The following NUP210L variants were observed in gnomAD, a reference collection of about 807,000 sequenced individuals.
The protein encoded by NUP210L is nucleoporin 210 like.
A neutral mutation model predicts 208.5 loss-of-function variants in NUP210L; 74 were observed. That is an observed-to-expected ratio of 0.35 (90% CI 0.29 to 0.43). NUP210L has a LOEUF of 0.43. Among genes scored for constraint, NUP210L ranks in the 20% least tolerant of loss-of-function variants. The pLI is 1.00. For synonymous variants in NUP210L, 780 were observed against 816.9 expected (o/e 0.95, Z 0.77); for missense variants, 1,843 against 2,289.4 (o/e 0.81, Z 3.98).
At chr1:154,144,964 C>T (rs755126235) in intron 2 of NUP210L, among the ~76,000 whole-genome samples, 8 of 151,950 alleles carry the variant, frequency 5.3e-5, no homozygotes, top group Admixed American at 1.3e-4. Context: ...AAAAATTAGC[C>T]GGGCATGGTG....
chr1:154,009,640 A>G (rs1250964896), intron 35 of NUP210L, among the ~76,000 whole-genome samples: 1 of 150,300 alleles, frequency 6.7e-6, no homozygotes, highest in Non-Finnish European at 1.5e-5. Context: ...AAAAAAAAAA[A>G]AAAAAAAAAG....
At chr1:154,099,884 GA>G in intron 14 of NUP210L, 113 bp downstream of exon 14, 1 of 1,074,634 alleles carries the variant, frequency 9.3e-7, no homozygotes, top group Non-Finnish European at 1.4e-6. Context: ...CAAGTAAAGA[GA>G]ACATAAATGT....
chr1:154,141,008 A>AG (rs1471713433), intron 4 of NUP210L, among the ~76,000 whole-genome samples: 1 of 151,840 alleles, frequency 6.6e-6, no homozygotes, highest in East Asian at 1.9e-4. Context: ...AAAAAAAAAA[A>AG]AAAAAAAGAA....
chr1:154,032,953 GAAAAGAAAAGAAAAGA>G (rs1652320850), intron 27 of NUP210L, among the ~76,000 whole-genome samples: 1 of 42,390 alleles, frequency 2.4e-5, no homozygotes, highest in African/African-American at 6.8e-5. Flanking sequence ...AAAGAAAGAA[GAAAAGAAAAGAAAAGA>G]AAAGAAAAGA....
chr1:154,023,564 G>T (rs1368506596), intron 30 of NUP210L, among the ~76,000 whole-genome samples: 1 of 151,796 alleles, frequency 6.6e-6, no homozygotes, highest in Non-Finnish European at 1.5e-5. Flanking sequence ...TGCAACCTCT[G>T]CCTCCTGCAT....
intron 35 of NUP210L, among the ~76,000 whole-genome samples, chr1:154,002,631 AAAATT>A (rs1460578686): frequency 6.6e-6 from 1 of 152,008 alleles, no homozygotes; most frequent in Non-Finnish European, 1.5e-5. Context: ...CTCAAAAAAA[AAAATT>A]ATATTTTTTA....
chr1:154,068,840 G>A (rs1331897225), intron 17 of NUP210L, among the ~76,000 whole-genome samples: 1 of 152,092 alleles, frequency 6.6e-6, no homozygotes, highest in African/African-American at 2.4e-5. Flanking sequence ...TGGGGGAAGG[G>A]GGGAGGGATA....
In NUP210L at chr1:154,002,089, A is replaced by C. The variant is rs1223147615; in HGVS notation, c.4931-104T>G. 11 of 1,195,550 alleles carry C rather than the reference A, an allele frequency of 9.2e-6. No individual in the cohort carries two copies. The Admixed American group carries it at 1.7e-4, about 19-fold the overall frequency. 74.1% of individuals were successfully genotyped at this position (1,195,550 alleles called of 1,614,324 possible). On this transcript the variant is annotated intron_variant, in intron 35 of 39. Coordinates refer to ENST00000368559, the Ensembl canonical transcript of NUP210L. ...AATTGTGACATGCAAATTCAGCAAA[A>C]GAGAAAATGTGAATTTAGTTTTGAG... is the stretch of plus-strand genomic sequence containing the variant.
At chr1:154,113,410 T>A (rs1657145784) in intron 12 of NUP210L, among the ~76,000 whole-genome samples, 1 of 151,988 alleles carries the variant, frequency 6.6e-6, no homozygotes, top group Non-Finnish European at 1.5e-5. Context: ...AGCATCTAAC[T>A]CCATGTAGGA....
chr1:154,018,797 C>T (rs1172889020), intron 33 of NUP210L, 136 bp downstream of exon 33: 4 of 946,508 alleles, frequency 4.2e-6, no homozygotes, highest in Non-Finnish European at 4.7e-6. Context: ...CTTTGTGTTC[C>T]AGTAAAGTTT....
At chr1:153,995,609 G>T in intron 37 of NUP210L, 1 of 909,824 alleles carries the variant, frequency 1.1e-6, no homozygotes, top group Non-Finnish European at 1.8e-6. Flanking sequence ...CTCTTCCAGG[G>T]ACGTTGTCTG....
At chr1:154,122,716 T>C (rs1186536313) in intron 10 of NUP210L, among the ~76,000 whole-genome samples, 1 of 152,030 alleles carries the variant, frequency 6.6e-6, no homozygotes, top group Non-Finnish European at 1.5e-5. Flanking sequence ...GGAACACTTA[T>C]ACAATGCTGG....
At chr1:153,997,284 G>C (rs1365967012) in intron 37 of NUP210L, among the ~76,000 whole-genome samples, 1 of 147,966 alleles carries the variant, frequency 6.8e-6, no homozygotes, top group Non-Finnish European at 1.5e-5. Flanking sequence ...TTTAACACCT[G>C]AATAATTTAA....
At chr1:154,036,786 G>T (rs1328595333) in intron 27 of NUP210L, among the ~76,000 whole-genome samples, 3 of 151,796 alleles carry the variant, frequency 2.0e-5, no homozygotes, top group Non-Finnish European at 2.9e-5. Flanking sequence ...TTGAGACAGG[G>T]TCTCACTCTG....
chr1:154,134,258 AAATAT>A (rs928312299), intron 7 of NUP210L, among the ~76,000 whole-genome samples: 21 of 151,952 alleles, frequency 1.4e-4, no homozygotes, highest in Non-Finnish European at 2.5e-4. Flanking sequence ...CATATAGTAG[AAATAT>A]AATAGATATT....
chr1:154,131,707 C>T (rs1323039414), intron 7 of NUP210L, among the ~76,000 whole-genome samples: 1 of 152,206 alleles, frequency 6.6e-6, no homozygotes, highest in Non-Finnish European at 1.5e-5. Context: ...GACATCACTA[C>T]CAGATTTGAC....
At chr1:154,140,081 T>C (rs1442455186) in intron 4 of NUP210L, 129 bp from the exon 5 acceptor site, 4 of 711,594 alleles carry the variant, frequency 5.6e-6, no homozygotes, top group Middle Eastern at 4.0e-4. Flanking sequence ...CTGGGCATGG[T>C]AGCTCACGCC....
intron 14 of NUP210L, among the ~76,000 whole-genome samples, chr1:154,095,937 C>T (rs1656156632): frequency 6.6e-6 from 1 of 152,184 alleles, no homozygotes; most frequent in African/African-American, 2.4e-5. Context: ...ACAATGTCCA[C>T]AACAGTGACT....
At position 154,117,714 on chromosome 1, in the gene NUP210L, G is replaced by C; in HGVS notation, c.1620+11C>G. On this transcript the variant is annotated intron_variant, in intron 12 of 39. Transcript: ENST00000368559. ...TGTAGGGGTAATAAGAATATCTGGA[G>C]AGTCGTTTACCTTAATTTCTCCATA... is the stretch of plus-strand genomic sequence containing the variant. 1 of 1,603,666 alleles carries C rather than the reference G, an allele frequency of 6.2e-7. No individual in the cohort carries two copies. Among genetic ancestry groups the C allele is most frequent in the Non-Finnish European group, 8.5e-7 (1 of 1,172,714 alleles).
Sources: gnomAD v4.1 joint callset for allele counts (sites outside exome capture counted in the v4.1 genomes callset) on GRCh38, gnomAD v4.1.1 for gene constraint, MANE v1.5 for transcripts, NCBI Gene and HGNC (gene_info 2026-07-23, HGNC 2026-07-21) for gene names.